The following TMEM117 variants were observed in gnomAD, a reference collection of about 807,000 sequenced individuals.
TMEM117 encodes transmembrane protein 117.
TMEM117 carries 27 observed loss-of-function variants against 52.4 expected under a neutral mutation model. The ratio of observed to expected loss-of-function variants is 0.51; its 90% CI spans 0.38 to 0.71. The LOEUF is 0.71. Among genes scored for constraint, TMEM117 ranks in the 30% least tolerant of loss-of-function variants. TMEM117 has a pLI of 0.00. For synonymous variants in TMEM117, 215 were observed against 206.3 expected (o/e 1.04, Z -0.36); for missense variants, 556 against 630.5 (o/e 0.88, Z 1.26).
intron 6 of TMEM117, among the ~76,000 whole-genome samples, chr12:44,365,743 G>T (rs2138821065): frequency 6.6e-6 from 1 of 151,770 alleles, no homozygotes; most frequent in Admixed American, 6.6e-5. Flanking sequence ...TCCTATAAAG[G>T]ATTTTCTTTT....
intron 3 of TMEM117, among the ~76,000 whole-genome samples, chr12:44,120,051 A>C (rs1948208387): frequency 6.6e-6 from 1 of 151,806 alleles, no homozygotes; most frequent in African/African-American, 2.4e-5. Context: ...GAGAGAGAGA[A>C]CTCAAAGGAG....
intron 3 of TMEM117, among the ~76,000 whole-genome samples, chr12:43,965,854 A>T (rs2137675659): frequency 6.6e-6 from 1 of 152,292 alleles, no homozygotes; most frequent in South Asian, 2.1e-4. Flanking sequence ...TCACCCAGGT[A>T]GTGAGCGTAG....
chr12:44,152,946 A>G (rs905480147), intron 4 of TMEM117, among the ~76,000 whole-genome samples: 5 of 150,228 alleles, frequency 3.3e-5, no homozygotes, highest in African/African-American at 1.2e-4. Flanking sequence ...ACTTAAGAAT[A>G]GTGCATATAC....
At chr12:44,289,550 C>CTTTTTT (rs60675070) in intron 5 of TMEM117, among the ~76,000 whole-genome samples, 3 of 121,948 alleles carry the variant, frequency 2.5e-5, no homozygotes, top group African/African-American at 1.0e-4. Context: ...TTTCTTTTCT[C>CTTTTTT]TTTTTTTTTT....
chr12:44,008,118 T>C (rs1264553590), intron 3 of TMEM117, among the ~76,000 whole-genome samples: 2 of 152,176 alleles, frequency 1.3e-5, no homozygotes, highest in African/African-American at 2.4e-5. Context: ...TTATCTGTGC[T>C]TCCTACAAAG....
intron 6 of TMEM117, among the ~76,000 whole-genome samples, chr12:44,304,020 G>C (rs966490237): frequency 6.6e-6 from 1 of 152,190 alleles, no homozygotes; most frequent in Non-Finnish European, 1.5e-5. Flanking sequence ...ATATAAGAAA[G>C]CACCTCCATA....
At chr12:44,091,891 T>C (rs906035271) in intron 3 of TMEM117, among the ~76,000 whole-genome samples, 2 of 152,250 alleles carry the variant, frequency 1.3e-5, no homozygotes, top group African/African-American at 4.8e-5. Context: ...CATGCTGTAT[T>C]GTAACCATAT....
chr12:43,953,946 A>G (rs556442219), intron 3 of TMEM117, among the ~76,000 whole-genome samples: 2 of 152,322 alleles, frequency 1.3e-5, no homozygotes, highest in African/African-American at 4.8e-5. Flanking sequence ...TGAAATCATA[A>G]CAAAAGTCTC....
chr12:44,108,446 A>C (rs1356572154), intron 3 of TMEM117, among the ~76,000 whole-genome samples: 6 of 94,584 alleles, frequency 6.3e-5, no homozygotes, highest in Non-Finnish European at 1.2e-4. Context: ...ATGAGTGAGA[A>C]TATGCGGTGT....
intron 6 of TMEM117, among the ~76,000 whole-genome samples, chr12:44,302,132 A>G (rs1015025107): frequency 4.6e-5 from 7 of 151,942 alleles, no homozygotes; most frequent in Non-Finnish European, 8.8e-5. Flanking sequence ...ATACTATTTA[A>G]TCTCCTATGG....
At chr12:43,849,310 A>G (rs1025820008) in intron 2 of TMEM117, among the ~76,000 whole-genome samples, 3 of 152,210 alleles carry the variant, frequency 2.0e-5, no homozygotes, top group African/African-American at 7.2e-5. Context: ...TTTTCTCAGC[A>G]TAGGAAGCTA....
At chr12:44,016,122 G>A (rs576415031) in intron 3 of TMEM117, among the ~76,000 whole-genome samples, 1 of 152,252 alleles carries the variant, frequency 6.6e-6, no homozygotes, top group African/African-American at 2.4e-5. Context: ...GTGGAGTGGG[G>A]TTCATACGGT....
At chr12:43,959,096 C>T (rs1005862868) in intron 3 of TMEM117, among the ~76,000 whole-genome samples, 2 of 152,108 alleles carry the variant, frequency 1.3e-5, no homozygotes, top group Admixed American at 6.5e-5. Context: ...CGTGAGCCAC[C>T]GCGCCCGGCC....
At chr12:44,236,709 C>A (rs1011341993) in intron 5 of TMEM117, among the ~76,000 whole-genome samples, 1 of 151,976 alleles carries the variant, frequency 6.6e-6, no homozygotes, top group Non-Finnish European at 1.5e-5. Context: ...CACTTTATAG[C>A]GGTAATTTCA....
At chr12:44,239,683 G>A (rs1273863422) in intron 5 of TMEM117, among the ~76,000 whole-genome samples, 4 of 152,010 alleles carry the variant, frequency 2.6e-5, no homozygotes, top group Non-Finnish European at 5.9e-5. Flanking sequence ...CACGCCTGTA[G>A]CATCTTTTCT....
At chr12:44,354,085 T>G (rs1422188283) in intron 6 of TMEM117, among the ~76,000 whole-genome samples, 1 of 152,194 alleles carries the variant, frequency 6.6e-6, no homozygotes, top group African/African-American at 2.4e-5. Context: ...CACTCATTAT[T>G]TGGCTCTCTG....
chr12:44,208,191 C>G (rs1443879604), intron 4 of TMEM117, among the ~76,000 whole-genome samples: 1 of 152,020 alleles, frequency 6.6e-6, no homozygotes, highest in Non-Finnish European at 1.5e-5. Context: ...CCTCAAAATG[C>G]ATGTTTTTGC....
intron 4 of TMEM117, among the ~76,000 whole-genome samples, chr12:44,210,602 A>G (rs1949632926): frequency 6.6e-6 from 1 of 152,188 alleles, no homozygotes; most frequent in Non-Finnish European, 1.5e-5. Flanking sequence ...CATATAAGTA[A>G]GTAAAAGAGA....
At chr12:44,122,804 C>T (rs756986121) in intron 3 of TMEM117, among the ~76,000 whole-genome samples, 2 of 152,124 alleles carry the variant, frequency 1.3e-5, no homozygotes, top group African/African-American at 2.4e-5. Context: ...TTTCTTTATC[C>T]AGCCTATAGT....
Sources: allele counts gnomAD v4.1 joint callset (sites outside exome capture counted in the v4.1 genomes callset), GRCh38; gene constraint gnomAD v4.1.1; transcripts MANE v1.5; gene names NCBI Gene and HGNC (gene_info 2026-07-23, HGNC 2026-07-21).